MARCHF1: variants seen among roughly 807,000 people sequenced by gnomAD.
MARCHF1 encodes E3 ubiquitin-protein ligase MARCHF1.
In MARCHF1, 40 loss-of-function variants were observed where a neutral mutation model predicts 54.2. That is an observed-to-expected ratio of 0.74 (90% CI 0.57 to 0.96). The LOEUF (loss-of-function observed/expected upper bound fraction) is 0.96. Among genes scored for constraint, MARCHF1 ranks in the 40% least tolerant of loss-of-function variants. The probability of loss-of-function intolerance (pLI) is 0.00; values close to 1 mark genes in which losing one functional copy is unlikely to be tolerated. For missense variants in MARCHF1, 586 were observed against 656.5 expected, an observed-to-expected ratio of 0.89 and a Z score of 1.17; for synonymous variants, 236 against 236.3, an observed-to-expected ratio of 1.00 and a Z score of 0.01.
intron 4 of MARCHF1, among the ~76,000 whole-genome samples, chr4:163,741,313 G>T (rs1276519175): frequency 6.6e-6 from 1 of 152,104 alleles, no homozygotes; most frequent in Admixed American, 6.5e-5. Flanking sequence ...GGCCGGGTGT[G>T]GTGGCTCAAG....
chr4:163,563,849 G>A (rs1016301668), intron 8 of MARCHF1, among the ~76,000 whole-genome samples: 2 of 152,148 alleles, frequency 1.3e-5, no homozygotes, highest in African/African-American at 4.8e-5. Flanking sequence ...CAGTTGTCAT[G>A]GTAAATCTGT....
At chr4:164,258,545 C>T (rs1009199452) in intron 1 of MARCHF1, among the ~76,000 whole-genome samples, 1 of 151,888 alleles carries the variant, frequency 6.6e-6, no homozygotes, top group Non-Finnish European at 1.5e-5. Context: ...GGTCATTTTA[C>T]CGTTGTGTCT....
At chr4:163,850,891 T>C (rs1239020323) in intron 4 of MARCHF1, among the ~76,000 whole-genome samples, 1 of 152,120 alleles carries the variant, frequency 6.6e-6, no homozygotes, top group Admixed American at 6.6e-5. Context: ...AGAAACAGAA[T>C]ACAGAAGTTT....
chr4:164,305,707 G>A (rs1366184242), intron 1 of MARCHF1, among the ~76,000 whole-genome samples: 1 of 152,074 alleles, frequency 6.6e-6, no homozygotes, highest in African/African-American at 2.4e-5. Flanking sequence ...TACACATGCA[G>A]CTAGAATTTT....
chr4:164,187,605 G>A (rs1055565169), intron 1 of MARCHF1, among the ~76,000 whole-genome samples: 1 of 152,128 alleles, frequency 6.6e-6, no homozygotes, highest in Admixed American at 6.5e-5. Context: ...CTCACTGACT[G>A]AATCTATGGA....
chr4:163,852,459 G>A (rs897769538), intron 4 of MARCHF1, among the ~76,000 whole-genome samples: 4 of 152,236 alleles, frequency 2.6e-5, no homozygotes, highest in East Asian at 1.9e-4. Flanking sequence ...GCAGCTGTAC[G>A]CATAAATATT....
At chr4:163,767,810 C>G (rs1004243798) in intron 4 of MARCHF1, among the ~76,000 whole-genome samples, 10 of 152,026 alleles carry the variant, frequency 6.6e-5, no homozygotes, top group Non-Finnish European at 1.3e-4. Context: ...TTTAAAACAG[C>G]CTTTTCTTTA....
At chr4:163,864,894 A>C (rs988879645) in intron 3 of MARCHF1, among the ~76,000 whole-genome samples, 2 of 151,852 alleles carry the variant, frequency 1.3e-5, no homozygotes, top group Admixed American at 6.6e-5. Flanking sequence ...AGAAATTTTG[A>C]GTGGAGTTAT....
chr4:164,189,383 G>A lies in MARCHF1; in HGVS notation c.-322-77721C>T, dbSNP rs368131650. 2.4e-5 allele frequency: 16 copies of A among 653,724 alleles called. No individual in the cohort carries two copies. In the East Asian group the frequency reaches 2.6e-4, roughly 11 times the overall value. 40.5% of individuals were successfully genotyped at this position (653,724 alleles called of 1,614,324 possible). On this transcript the variant is annotated intron_variant, in intron 1 of 9. Transcript: ENST00000514618. ...TAAGAGCTAAACATGGATCTGTTCTGGTCTACTATGAGGCCTGTCCAGAAA... is the reference window on the plus strand; with the variant it reads ...TAAGAGCTAAACATGGATCTGTTCTAGTCTACTATGAGGCCTGTCCAGAAA...
chr4:164,056,267 C>T (rs1754488179), intron 2 of MARCHF1, among the ~76,000 whole-genome samples: 1 of 152,170 alleles, frequency 6.6e-6, no homozygotes, highest in Non-Finnish European at 1.5e-5. Flanking sequence ...ACAGAAAGTG[C>T]CTGGGAATTT....
At chr4:163,920,450 C>G (rs767231423) in intron 3 of MARCHF1, among the ~76,000 whole-genome samples, 1 of 152,164 alleles carries the variant, frequency 6.6e-6, no homozygotes, top group African/African-American at 2.4e-5. Context: ...TCACCTTCAA[C>G]GACATGTTAG....
At chr4:164,175,347 C>T (rs1730636047) in intron 1 of MARCHF1, among the ~76,000 whole-genome samples, 1 of 152,184 alleles carries the variant, frequency 6.6e-6, no homozygotes, top group East Asian at 1.9e-4. Context: ...ACCTTGCCCC[C>T]TATCTTCCCA....
At chr4:163,715,280 CT>C (rs1193921277) in intron 4 of MARCHF1, among the ~76,000 whole-genome samples, 3 of 152,158 alleles carry the variant, frequency 2.0e-5, no homozygotes, top group African/African-American at 7.2e-5. Flanking sequence ...GAGTCTCGCT[CT>C]GTCACCCAGG....
chr4:163,788,215 A>T lies in MARCHF1; in HGVS notation c.111+65806T>A, dbSNP rs140258454. Reference sequence around the variant, plus strand: ...ATGATTAGGAGACAAATTTAATATCATATATGTTTTACCACAATGAAAAAC... The same window carrying T: ...ATGATTAGGAGACAAATTTAATATCTTATATGTTTTACCACAATGAAAAAC... On this transcript the variant is annotated intron_variant, in intron 4 of 9. Coordinates refer to ENST00000514618, the MANE Select transcript of MARCHF1 (RefSeq NM_001394959.1). Among the ~76,000 whole-genome samples, 45 of 152,070 alleles carry T rather than the reference A, an allele frequency of 3.0e-4. 1 individual carries two copies. Among genetic ancestry groups the T allele is most frequent in the African/African-American group, 9.9e-4 (41 of 41,552 alleles).
rs150344657 is a variant in MARCHF1 at position 164,369,178 on chromosome 4, C to T, written c.-323+14692G>A. 2.4e-4 allele frequency among the ~76,000 whole-genome samples: 36 copies of T among 152,266 alleles called. No homozygotes were observed. In the East Asian group the frequency reaches 5.4e-3, roughly 23 times the overall value. ...GCTGAGACAGACCCAGACAGGCTCA[C>T]GGCCAGACGCTTCCCACTGAAAGCA... On this transcript the variant is annotated intron_variant, in intron 1 of 9. Transcript: ENST00000514618.
At chr4:163,547,954 CA>C (rs1015442439) in intron 8 of MARCHF1, among the ~76,000 whole-genome samples, 1 of 152,028 alleles carries the variant, frequency 6.6e-6, no homozygotes, top group Non-Finnish European at 1.5e-5. Flanking sequence ...CCAAGCATAA[CA>C]AAGGGTAAAT....
intron 1 of MARCHF1, among the ~76,000 whole-genome samples, chr4:164,377,591 GCACACACA>G (rs56204290): frequency 2.1e-4 from 31 of 149,518 alleles, no homozygotes; most frequent in Admixed American, 1.2e-3. Context: ...TACTTTTTAT[GCACACACA>G]CACACACACA....
intron 5 of MARCHF1, among the ~76,000 whole-genome samples, chr4:163,639,674 C>G (rs1742483070): frequency 6.6e-6 from 1 of 152,102 alleles, no homozygotes; most frequent in Non-Finnish European, 1.5e-5. Context: ...TGCTTGTCTA[C>G]CAGGTCTTTG....
chr4:164,321,653 G>A (rs1034746992), intron 1 of MARCHF1, among the ~76,000 whole-genome samples: 1 of 152,038 alleles, frequency 6.6e-6, no homozygotes, highest in African/African-American at 2.4e-5. Flanking sequence ...CCATGATAAG[G>A]TGTCATTCAT....
Sources: allele counts gnomAD v4.1 joint callset (sites outside exome capture counted in the v4.1 genomes callset), GRCh38; gene constraint gnomAD v4.1.1; transcripts MANE v1.5; gene names NCBI Gene and HGNC (gene_info 2026-07-23, HGNC 2026-07-21).